The following MAK variants were observed in gnomAD, a reference collection of about 807,000 sequenced individuals.
The protein encoded by MAK is male germ cell associated kinase.
In MAK, 65 loss-of-function variants were observed where a neutral mutation model predicts 82.6. That is an observed-to-expected ratio of 0.79 (90% CI 0.64 to 0.97). MAK has a LOEUF of 0.97. MAK is among the 50% of genes least tolerant of loss of function. MAK has a pLI of 0.00. For synonymous variants in MAK, 250 were observed against 274.2 expected (o/e 0.91, Z 0.87); for missense variants, 703 against 780.2 (o/e 0.90, Z 1.18).
At chr6:10,833,603 TCAAAATAATAATAATAATAATAATA>T (rs1778963658) in intron 1 of MAK, among the ~76,000 whole-genome samples, 3 of 108,246 alleles carry the variant, frequency 2.8e-5, no homozygotes, top group Non-Finnish European at 5.3e-5. Flanking sequence ...AGACTCTGTC[TCAAAATAATAATAATAATAATAATA>T]ATAATAATAA....
chr6:10,836,305 C>T (rs1233808154), intron 1 of MAK, among the ~76,000 whole-genome samples: 1 of 152,140 alleles, frequency 6.6e-6, no homozygotes, highest in Admixed American at 6.5e-5. Flanking sequence ...ACATACTGCG[C>T]TCCCTAAGAA....
At chr6:10,808,058 A>T (rs555199190) in intron 6 of MAK, among the ~76,000 whole-genome samples, 2 of 151,350 alleles carry the variant, frequency 1.3e-5, no homozygotes, top group African/African-American at 4.9e-5. Flanking sequence ...AGAGAGCGAA[A>T]CTCCATCTCA....
rs373994062 is a variant in MAK at position 10,808,896 on chromosome 6, A to C, written c.405T>G (p.Gly135=). ...AATCAGCAATTTTCACAAGCTCTGG[A>C]CCCATACAAAGCAAGTTTTCTGGTT... The part of the protein sequence containing the change: ...DMKPENLLCM[G]PELVKIADFG... Residue 135 remains glycine, a synonymous_variant, in exon 6 of 15, where the codon GGT becomes GGG. Transcript: ENST00000354489. 1.6e-4 allele frequency: 257 copies of C among 1,613,790 alleles called. No homozygotes were observed. Among genetic ancestry groups the C allele is most frequent in the Middle Eastern group, 6.6e-4 (4 of 6,082 alleles).
intron 10 of MAK, among the ~76,000 whole-genome samples, chr6:10,789,116 G>A (rs73429421): frequency 0.011 from 1,681 of 150,630 alleles, 11 homozygotes; most frequent in South Asian, 0.024. Context: ...CCTATGGAAT[G>A]TGAAGACCTG....
intron 2 of MAK, among the ~76,000 whole-genome samples, chr6:10,828,155 G>A (rs488862): frequency 0.026 from 4,017 of 152,034 alleles, 83 homozygotes; most frequent in Admixed American, 0.078. Flanking sequence ...ATTTTATGAA[G>A]TTATTTCCTT....
chr6:10,786,051 C>A (rs771492167), intron 10 of MAK, among the ~76,000 whole-genome samples: 2 of 152,090 alleles, frequency 1.3e-5, no homozygotes, highest in Non-Finnish European at 2.9e-5. Flanking sequence ...TTGAGACCAG[C>A]CTGGCCAACA....
intron 3 of MAK, among the ~76,000 whole-genome samples, chr6:10,818,301 G>T (rs139353163): frequency 6.6e-6 from 1 of 152,294 alleles, no homozygotes; most frequent in African/African-American, 2.4e-5. Flanking sequence ...TAAGGAAATG[G>T]TATGTAGTAA....
At chr6:10,777,320 G>C (rs1024345445) in intron 11 of MAK, among the ~76,000 whole-genome samples, 1 of 151,730 alleles carries the variant, frequency 6.6e-6, no homozygotes. Context: ...GCTGAGGCAC[G>C]AGAATCACTT....
intron 2 of MAK, among the ~76,000 whole-genome samples, chr6:10,826,127 C>T (rs1260870423): frequency 6.6e-6 from 1 of 152,184 alleles, no homozygotes; most frequent in African/African-American, 2.4e-5. Context: ...TCGTAATCCA[C>T]GCTCCAGCCA....
Position 10,836,678 on chromosome 6 carries a change from G to C in MAK, c.-230+1825C>G, listed in dbSNP as rs150897040. ...CTATGGAAAACTAATCTACAAAATAGGAATATATTAACACAGTTTCTTATG... is the reference window on the plus strand; with the variant it reads ...CTATGGAAAACTAATCTACAAAATACGAATATATTAACACAGTTTCTTATG... On this transcript the variant is annotated intron_variant, in intron 1 of 14. Transcript: ENST00000354489. Among the ~76,000 whole-genome samples, 1,148 of 152,076 alleles carry C rather than the reference G, an allele frequency of 7.5e-3. 6 individuals are homozygous for C. Among genetic ancestry groups the C allele is most frequent in the Non-Finnish European group, 0.012 (834 of 67,992 alleles).
intron 7 of MAK, among the ~76,000 whole-genome samples, chr6:10,803,199 G>A (rs1449683605): frequency 7.2e-5 from 11 of 152,220 alleles, no homozygotes; most frequent in Admixed American, 6.5e-4. Flanking sequence ...TTCAGCTGGT[G>A]GGATTCTGGC....
chr6:10,813,111 TATATATATATATATATATATATAA>T (rs1561987087), intron 5 of MAK, among the ~76,000 whole-genome samples: 22 of 2,478 alleles, frequency 8.9e-3, no homozygotes, highest in African/African-American at 0.013. Context: ...TATATATATA[TATATATATATATATATATATATAA>T]ATTTTTTTTT....
At chr6:10,773,767 C>T (rs1015073507) in intron 12 of MAK, among the ~76,000 whole-genome samples, 32 of 149,414 alleles carry the variant, frequency 2.1e-4, no homozygotes, top group African/African-American at 7.9e-4. Context: ...TCTCGGCTCA[C>T]TGCAACCTCC....
intron 8 of MAK, among the ~76,000 whole-genome samples, chr6:10,799,261 G>T (rs1480030344): frequency 1.3e-5 from 2 of 152,270 alleles, no homozygotes; most frequent in African/African-American, 4.8e-5. Context: ...TACTAAGAGA[G>T]ATAAATGAAA....
At chr6:10,798,451 T>C (rs1775747881) in intron 8 of MAK, among the ~76,000 whole-genome samples, 1 of 152,140 alleles carries the variant, frequency 6.6e-6, no homozygotes, top group Admixed American at 6.6e-5. Flanking sequence ...TACCAGTTAC[T>C]ATCCTTCAAG....
intron 10 of MAK, 140 bp from the exon 11 acceptor site, chr6:10,784,712 T>C (rs1392055397): frequency 2.6e-6 from 2 of 777,840 alleles, no homozygotes; most frequent in Non-Finnish European, 4.4e-6. Context: ...ATCAGTCTTT[T>C]GGCTAAGTGA....
In MAK at chr6:10,832,279, G is replaced by A. The variant is rs537436492; in HGVS notation, c.-229-1402C>T. ...GAACCAGTGCCCAGTCAAGAACAAA[G>A]GATTTAGAATATTACATAAACTGAG... On this transcript the variant is annotated intron_variant, in intron 1 of 14. Coordinates refer to ENST00000354489, the MANE Select transcript of MAK (RefSeq NM_001242957.3). Among the ~76,000 whole-genome samples, 3 of 152,340 alleles carry A rather than the reference G, an allele frequency of 2.0e-5. No individual in the cohort carries two copies. In the East Asian group the frequency reaches 5.8e-4, roughly 29 times the overall value.
At chr6:10,808,709 T>C (rs1776689463) in intron 6 of MAK, 101 bp downstream of exon 6, 2 of 1,170,570 alleles carry the variant, frequency 1.7e-6, no homozygotes, top group Non-Finnish European at 2.6e-6. Context: ...TTCTGTGTTT[T>C]AAATATTCAA....
At chr6:10,815,932 A>G (rs879697324) in intron 4 of MAK, among the ~76,000 whole-genome samples, 2,396 of 133,176 alleles carry the variant, frequency 0.018, 149 homozygotes, top group Middle Eastern at 0.058. Flanking sequence ...ATATATATAT[A>G]TATATATATA....
Sources: allele counts gnomAD v4.1 joint callset (sites outside exome capture counted in the v4.1 genomes callset), GRCh38; gene constraint gnomAD v4.1.1; transcripts MANE v1.5; gene names NCBI Gene and HGNC (gene_info 2026-07-23, HGNC 2026-07-21).